The following EHHADH variants were observed in gnomAD, a reference collection of about 807,000 sequenced individuals.
EHHADH encodes enoyl-CoA hydratase and 3-hydroxyacyl CoA dehydrogenase.
EHHADH carries 48 observed loss-of-function variants against 64.4 expected under a neutral mutation model. The ratio of observed to expected loss-of-function variants is 0.75; its 90% CI spans 0.59 to 0.95. The LOEUF (loss-of-function observed/expected upper bound fraction) is 0.95, where lower values mean the gene tolerates loss of function less well. Ranked by LOEUF, EHHADH falls within the 40% of genes least tolerant of loss-of-function variation. EHHADH has a pLI of 0.00. For synonymous variants in EHHADH, 308 were observed against 326.7 expected, an observed-to-expected ratio of 0.94 and a Z score of 0.62; for missense variants, 854 against 876.6, an observed-to-expected ratio of 0.97 and a Z score of 0.33.
At chr3:185,219,775 G>T (rs1412689487) in intron 4 of EHHADH, among the ~76,000 whole-genome samples, 1 of 152,266 alleles carries the variant, frequency 6.6e-6, no homozygotes, top group East Asian at 1.9e-4. Context: ...TTACAGTGTT[G>T]GTGGATGCCA....
At chr3:185,208,704 A>G (rs925095433) in intron 5 of EHHADH, among the ~76,000 whole-genome samples, 1 of 152,238 alleles carries the variant, frequency 6.6e-6, no homozygotes, top group Admixed American at 6.5e-5. Flanking sequence ...AGCATATGCC[A>G]TAAAGAAAAC....
At chr3:185,196,194 G>C (rs1718057524) in intron 6 of EHHADH, among the ~76,000 whole-genome samples, 1 of 151,916 alleles carries the variant, frequency 6.6e-6, no homozygotes, top group Non-Finnish European at 1.5e-5. Flanking sequence ...TAGTTCTCCT[G>C]CTTTGTGATT....
rs1043065084 is a variant in EHHADH at position 185,245,344 on chromosome 3, C to T, written c.178+3070G>A. The T allele has an allele frequency of 7.8e-6, 3 of 384,572 alleles. No homozygotes were observed. In the Admixed American group the frequency reaches 1.4e-4, roughly 18 times the overall value. The allele number at this position is 384,572 out of a possible 1,614,324, so 23.8% of individuals were successfully genotyped here. ...GATTTCACACCAACCAGCCACTAGC[C>T]AAAGAACTTGGCAGCTTTTTTATCT... On this transcript the variant is annotated intron_variant, in intron 2 of 6. Transcript: ENST00000231887.
At chr3:185,197,224 T>G (rs1393555938) in intron 6 of EHHADH, among the ~76,000 whole-genome samples, 1 of 152,212 alleles carries the variant, frequency 6.6e-6, no homozygotes, top group East Asian at 1.9e-4. Flanking sequence ...GCATAAACTC[T>G]GTCAATATCT....
rs1717850625 is a variant in EHHADH at position 185,191,069 on chromosome 3, TC to T, written c.*1156del. 1.3e-5 allele frequency: 2 copies of T among 152,212 alleles called. No individual in the cohort carries two copies. The allele number at this position is 152,212 out of a possible 1,614,324, so 9.4% of individuals were successfully genotyped here. On this transcript the variant is annotated 3_prime_UTR_variant, in exon 7 of 7. Transcript: ENST00000231887. The stretch of plus-strand genomic sequence containing the variant: ...AGAAATCCTGTACCCATTAGATGAA[TC>T]CTGTACTCCCCATTCATCACCCCCA...
chr3:185,213,880 C>CA (rs58869131), intron 5 of EHHADH, among the ~76,000 whole-genome samples: 8,327 of 70,486 alleles, frequency 0.12, 313 homozygotes, highest in Admixed American at 0.17. Context: ...AACTCCGTCT[C>CA]AAAAAAAAAA....
intron 4 of EHHADH, among the ~76,000 whole-genome samples, chr3:185,227,225 A>AT (rs565339371): frequency 3.1e-4 from 47 of 152,244 alleles, no homozygotes; most frequent in Admixed American, 7.2e-4. Flanking sequence ...AAAAAGACAG[A>AT]TCTTTGGGTA....
chr3:185,245,170 T>G (rs1278263537), intron 2 of EHHADH, among the ~76,000 whole-genome samples: 1 of 152,242 alleles, frequency 6.6e-6, no homozygotes, highest in African/African-American at 2.4e-5. Flanking sequence ...CTTTTTTCAC[T>G]GTTACAATAA....
rs779247816 is a variant in EHHADH at position 185,193,368 on chromosome 3, A to G, written c.1030T>C (p.Leu344=). ...TGCATTTTGGAGGCTTCTTTTTCCAAGACAGAGGTTATCATCTTGTTTGCA... is the reference window on the plus strand; with the variant it reads ...TGCATTTTGGAGGCTTCTTTTTCCAGGACAGAGGTTATCATCTTGTTTGCA... ...ATANKMITSV[L]EKEASKMQQS... The change falls in exon 7 of 7, where the codon TTG becomes CTG. Residue 344 remains leucine, a synonymous_variant. Transcript: ENST00000231887. 1 of 1,614,174 alleles carries G rather than the reference A, an allele frequency of 6.2e-7. No homozygotes were observed. Among genetic ancestry groups the G allele is most frequent in the East Asian group, 2.2e-5 (1 of 44,880 alleles).
In EHHADH at chr3:185,216,250, C is replaced by T. The variant is rs1287384941; in HGVS notation, c.568+1886G>A. Among the ~76,000 whole-genome samples, 1 of 152,140 alleles carries T rather than the reference C, an allele frequency of 6.6e-6. No individual in the cohort carries two copies. Among genetic ancestry groups the T allele is most frequent in the Non-Finnish European group, 1.5e-5 (1 of 68,020 alleles). On this transcript the variant is annotated intron_variant, in intron 5 of 6. Coordinates refer to ENST00000231887, the MANE Select transcript of EHHADH (RefSeq NM_001966.4). This position sits in a 1 kb window ranked among gnomAD's most constrained non-coding sequence, Gnocchi z 5.3. ...GGATCCAGGTCTCCTAGATCATGAA[C>T]CTCAACTATTTCTTGAAGTAACTTA...
chr3:185,252,196 T>C (rs1719766837), intron 1 of EHHADH, among the ~76,000 whole-genome samples: 1 of 152,108 alleles, frequency 6.6e-6, no homozygotes, highest in Non-Finnish European at 1.5e-5. Context: ...GGTCAGGAGA[T>C]TGAGACCATC....
chr3:185,206,635 C>G (rs1718399684), intron 5 of EHHADH, among the ~76,000 whole-genome samples: 1 of 151,988 alleles, frequency 6.6e-6, no homozygotes, highest in Non-Finnish European at 1.5e-5. Flanking sequence ...CGAGACCAGC[C>G]TGGGCAACAT....
chr3:185,218,205 C>G lies in EHHADH; in HGVS notation c.499G>C (p.Gly167Arg). The change falls in exon 5 of 7, where the codon GGC (glycine) becomes CGC (arginine). Residue 167 changes from glycine (G) to arginine (R), a missense_variant. Gly to Arg is a moderately radical substitution (Grantham distance 125, BLOSUM62 -2). Transcript: ENST00000231887. ...GAGTTTACAACTTTATCTAGAATGC[C>G]CAGCTTGAGTGCTTCATCTGCTAAA... ...RILADEALKL[G>R]ILDKVVNSDP... The G allele has an allele frequency of 6.2e-7, 1 of 1,605,446 alleles. No individual in the cohort carries two copies. Among genetic ancestry groups the G allele is most frequent in the Non-Finnish European group, 8.5e-7 (1 of 1,176,950 alleles).
chr3:185,223,912 A>T (rs570788284), intron 4 of EHHADH, among the ~76,000 whole-genome samples: 151 of 152,342 alleles, frequency 9.9e-4, no homozygotes, highest in African/African-American at 3.5e-3. Flanking sequence ...ACGAACTGCA[A>T]TATGATCAGG....
rs779045927 is a variant in EHHADH, at chr3:185,204,708, C to A, written c.618G>T (p.Leu206Phe). The A allele has an allele frequency of 2.5e-6, 4 of 1,613,884 alleles. No homozygotes were observed. Among genetic ancestry groups the A allele is most frequent in the South Asian group, 2.2e-5 (2 of 91,038 alleles). ...CACTAAAAATGCTGTCCATGTTGGGCAAGCTCTGAATTGGCTTGTTGCAGA... is the reference window on the plus strand; with the variant it reads ...CACTAAAAATGCTGTCCATGTTGGGAAAGCTCTGAATTGGCTTGTTGCAGA... ...RRLCNKPIQSLPNMDSIFSEA... is the reference protein window; with the variant it reads ...RRLCNKPIQSFPNMDSIFSEA... Residue 206 changes from leucine to phenylalanine, a missense_variant, in exon 6 of 7, where the codon TTG (leucine) becomes TTT (phenylalanine). Coordinates refer to ENST00000231887, the MANE Select transcript of EHHADH (RefSeq NM_001966.4).
At chr3:185,229,067 A>G (rs933819955) in intron 4 of EHHADH, among the ~76,000 whole-genome samples, 1 of 152,190 alleles carries the variant, frequency 6.6e-6, no homozygotes, top group Non-Finnish European at 1.5e-5. Context: ...AAGTGCTGGG[A>G]TTACAGGCAT....
intron 5 of EHHADH, among the ~76,000 whole-genome samples, chr3:185,213,119 CAAAAAAAAA>C (rs550233979): frequency 0.018 from 784 of 43,062 alleles, 27 homozygotes; most frequent in African/African-American, 0.06. Flanking sequence ...GACTCTGTCT[CAAAAAAAAA>C]AAAAAAAAAA....
intron 6 of EHHADH, among the ~76,000 whole-genome samples, chr3:185,194,731 T>C (rs751395653): frequency 7.2e-6 from 1 of 138,282 alleles, no homozygotes; most frequent in East Asian, 2.1e-4. Context: ...GCCCAGGAGT[T>C]TGAGGATTGC....
intron 2 of EHHADH, chr3:185,245,896 G>A (rs1719581657): frequency 8.4e-7 from 1 of 1,186,102 alleles, no homozygotes; most frequent in South Asian, 1.2e-5. Flanking sequence ...TCATGATGTT[G>A]AACACACAAT....
Sources: allele counts gnomAD v4.1 joint callset (sites outside exome capture counted in the v4.1 genomes callset), GRCh38; gene constraint gnomAD v4.1.1; non-coding constraint Gnocchi (gnomAD v3.1); transcripts MANE v1.5; gene names NCBI Gene and HGNC (gene_info 2026-07-23, HGNC 2026-07-21).